The following TYW1B variants were observed in gnomAD, a reference collection of about 807,000 sequenced individuals.
TYW1B encodes tRNA-yW synthesizing protein 1 homolog B.
Under a neutral mutation model 86.9 loss-of-function variants are expected in TYW1B, and 73 were observed. That is an observed-to-expected ratio of 0.84 (90% CI 0.70 to 1.02). TYW1B has a LOEUF of 1.02. TYW1B is among the 50% of genes least tolerant of loss of function. The pLI is 0.00. For synonymous variants in TYW1B, 248 were observed against 292.8 expected (o/e 0.85, Z 1.56); for missense variants, 637 against 827.4 (o/e 0.77, Z 2.82).
chr7:72,587,642 G>T (rs1409382740), intron 13 of TYW1B, among the ~76,000 whole-genome samples: 1 of 152,026 alleles, frequency 6.6e-6, no homozygotes, highest in Non-Finnish European at 1.5e-5. Context: ...TCATCCTAGG[G>T]GCAGTTTAGG....
chr7:72,585,142 C>T (rs1811245050), intron 13 of TYW1B, among the ~76,000 whole-genome samples: 1 of 152,188 alleles, frequency 6.6e-6, no homozygotes. Context: ...ATGGGAGATC[C>T]AGTCACCTCA....
At chr7:72,652,609 C>T (rs1813091634) in intron 11 of TYW1B, among the ~76,000 whole-genome samples, 1 of 152,026 alleles carries the variant, frequency 6.6e-6, no homozygotes. Flanking sequence ...CTTTGGAGTG[C>T]TAGTTATACT....
chr7:72,782,001 T>A (rs1275785513), intron 6 of TYW1B, among the ~76,000 whole-genome samples: 1 of 152,194 alleles, frequency 6.6e-6, no homozygotes, highest in African/African-American at 2.4e-5. Flanking sequence ...CATATAATAC[T>A]GGTTGGGTGC....
At chr7:72,747,275 G>A (rs1787412464) in intron 7 of TYW1B, among the ~76,000 whole-genome samples, 1 of 152,074 alleles carries the variant, frequency 6.6e-6, no homozygotes, top group South Asian at 2.1e-4. Context: ...TTTATCAGGG[G>A]TTTCCACTTT....
At chr7:72,698,395 A>G (rs1814375128) in intron 10 of TYW1B, among the ~76,000 whole-genome samples, 1 of 152,212 alleles carries the variant, frequency 6.6e-6, no homozygotes, top group Non-Finnish European at 1.5e-5. Flanking sequence ...CTGTAATCCC[A>G]ACACTTTGGG....
intron 1 of TYW1B, 63 bp downstream of exon 1, chr7:72,828,009 G>A (rs1238916339): frequency 6.3e-5 from 102 of 1,607,190 alleles, no homozygotes; most frequent in Non-Finnish European, 7.8e-5. Flanking sequence ...GCCCGGAGAG[G>A]GTCTCAGTAA....
At chr7:72,578,669 C>T (rs1811080176) in intron 13 of TYW1B, among the ~76,000 whole-genome samples, 1 of 152,172 alleles carries the variant, frequency 6.6e-6, no homozygotes. Flanking sequence ...CATCCATCAA[C>T]ATGGGCCAAC....
At chr7:72,760,701 T>G (rs879987913) in intron 7 of TYW1B, among the ~76,000 whole-genome samples, 1 of 152,190 alleles carries the variant, frequency 6.6e-6, no homozygotes, top group Non-Finnish European at 1.5e-5. Context: ...GGTTTTAAAG[T>G]TATTGGTAAA....
At chr7:72,593,293 C>CA (rs369019708) in intron 13 of TYW1B, among the ~76,000 whole-genome samples, 20,793 of 143,170 alleles carry the variant, frequency 0.15, 2,160 homozygotes, top group East Asian at 0.54. Flanking sequence ...AACTCCATCT[C>CA]AAAAAAAGAA....
At chr7:72,714,961 GTC>G (rs1312540652) in intron 9 of TYW1B, among the ~76,000 whole-genome samples, 9 of 152,300 alleles carry the variant, frequency 5.9e-5, no homozygotes, top group Middle Eastern at 3.4e-3. Flanking sequence ...CCTCTAAAGA[GTC>G]TGTTTCATCA....
chr7:72,584,225 T>C (rs1243502397), intron 13 of TYW1B, among the ~76,000 whole-genome samples: 2 of 152,180 alleles, frequency 1.3e-5, no homozygotes, highest in Admixed American at 1.3e-4. Context: ...TTTAATGTTT[T>C]GTAGAGAGAC....
chr7:72,773,266 T>C (rs1787897729), intron 7 of TYW1B, among the ~76,000 whole-genome samples: 1 of 152,176 alleles, frequency 6.6e-6, no homozygotes, highest in Non-Finnish European at 1.5e-5. Flanking sequence ...CTGAAAATCA[T>C]AGTGTGGAAT....
intron 11 of TYW1B, among the ~76,000 whole-genome samples, chr7:72,652,152 C>A (rs546573850): frequency 2.0e-5 from 3 of 151,980 alleles, no homozygotes; most frequent in African/African-American, 7.2e-5. Context: ...CTGAGGCAGG[C>A]GGATCACGAG....
chr7:72,736,363 T>G lies in TYW1B; in HGVS notation c.1083-7432A>C, dbSNP rs150380098. 7.1e-3 allele frequency among the ~76,000 whole-genome samples: 1,085 copies of G among 152,344 alleles called. 19 individuals are homozygous for G. Among genetic ancestry groups the G allele is most frequent in the African/African-American group, 0.025 (1,057 of 41,586 alleles). ...GTATAAGCATGCCAGGGCAAATATT[T>G]AGGCCAAATTGTGGGAGCTAAGAAT... On this transcript the variant is annotated intron_variant, in intron 8 of 13. Coordinates refer to ENST00000620995, the MANE Select transcript of TYW1B (RefSeq NM_001145440.3).
intron 12 of TYW1B, among the ~76,000 whole-genome samples, chr7:72,619,807 A>G (rs1383899002): frequency 5.3e-5 from 8 of 152,210 alleles, no homozygotes; most frequent in Non-Finnish European, 8.8e-5. Flanking sequence ...GGATTACACA[A>G]ACAACCATGT....
chr7:72,785,342 TTA>T (rs1450645981), intron 6 of TYW1B, among the ~76,000 whole-genome samples: 2 of 147,694 alleles, frequency 1.4e-5, no homozygotes, highest in South Asian at 2.1e-4. Flanking sequence ...CTAATTCTAA[TTA>T]TATATATTAA....
intron 7 of TYW1B, among the ~76,000 whole-genome samples, chr7:72,763,094 T>A (rs1787712070): frequency 6.6e-6 from 1 of 152,018 alleles, no homozygotes; most frequent in East Asian, 1.9e-4. Context: ...CTAAATGGGT[T>A]TCCCATAAAG....
intron 7 of TYW1B, among the ~76,000 whole-genome samples, chr7:72,747,859 A>G (rs1224900533): frequency 6.6e-6 from 1 of 152,188 alleles, no homozygotes; most frequent in Admixed American, 6.6e-5. Flanking sequence ...AGCATTTTTA[A>G]AATTTTCAGC....
intron 11 of TYW1B, among the ~76,000 whole-genome samples, chr7:72,651,743 C>A (rs1254944800): frequency 6.6e-6 from 1 of 151,990 alleles, no homozygotes; most frequent in African/African-American, 2.4e-5. Flanking sequence ...TCACAAACAT[C>A]TCAAAAGAAA....
Sources: allele counts gnomAD v4.1 joint callset (sites outside exome capture counted in the v4.1 genomes callset), GRCh38; gene constraint gnomAD v4.1.1; transcripts MANE v1.5; gene names NCBI Gene and HGNC (gene_info 2026-07-23, HGNC 2026-07-21).